ARL15: variants seen among roughly 807,000 people sequenced by gnomAD.
ARL15 encodes ADP-ribosylation factor-like protein 15.
ARL15 carries 19 observed loss-of-function variants against 25.2 expected under a neutral mutation model. The ratio of observed to expected loss-of-function variants is 0.75; its 90% confidence interval spans 0.53 to 1.10. The LOEUF (loss-of-function observed/expected upper bound fraction) is 1.10. Among genes scored for constraint, ARL15 ranks in the 50% least tolerant of loss-of-function variants. The probability of loss-of-function intolerance (pLI) is 0.00; values close to 1 mark genes in which losing one functional copy is unlikely to be tolerated. For missense variants in ARL15, 220 were observed against 246.0 expected, an observed-to-expected ratio of 0.89 and a Z score of 0.71; for synonymous variants, 94 against 86.8, an observed-to-expected ratio of 1.08 and a Z score of -0.46.
chr5:54,186,811 C>T (rs1755252776), intron 1 of ARL15, among the ~76,000 whole-genome samples: 1 of 151,494 alleles, frequency 6.6e-6, no homozygotes, highest in Non-Finnish European at 1.5e-5. Context: ...ATTAGAGAGG[C>T]TCCATGGGCC....
At chr5:54,062,495 C>T (rs1471026336) in intron 4 of ARL15, among the ~76,000 whole-genome samples, 2 of 149,240 alleles carry the variant, frequency 1.3e-5, no homozygotes, top group Admixed American at 6.7e-5. Context: ...GTGAATGAGA[C>T]TCACGAGATT....
chr5:54,162,400 C>A (rs1288515662), intron 2 of ARL15, among the ~76,000 whole-genome samples: 1 of 152,162 alleles, frequency 6.6e-6, no homozygotes, highest in African/African-American at 2.4e-5. Context: ...CTTCTCCATG[C>A]TCCAGCATTT....
intron 1 of ARL15, among the ~76,000 whole-genome samples, chr5:54,236,454 A>T (rs1025573183): frequency 6.6e-6 from 1 of 151,586 alleles, no homozygotes; most frequent in South Asian, 2.1e-4. Flanking sequence ...ACAAATCAGT[A>T]GTATTACCAA....
intron 4 of ARL15, among the ~76,000 whole-genome samples, chr5:53,943,613 C>T (rs1746619526): frequency 6.6e-6 from 1 of 152,130 alleles, no homozygotes; most frequent in South Asian, 2.1e-4. Flanking sequence ...AAAGACAGTG[C>T]TTAAAGATGA....
intron 4 of ARL15, among the ~76,000 whole-genome samples, chr5:54,073,262 T>C (rs539536807): frequency 2.6e-5 from 4 of 152,332 alleles, no homozygotes; most frequent in East Asian, 1.9e-4. Context: ...ACTAACAATA[T>C]GTACATTTAT....
intron 1 of ARL15, among the ~76,000 whole-genome samples, chr5:54,248,854 A>G (rs1757162371): frequency 6.6e-6 from 1 of 152,170 alleles, no homozygotes; most frequent in Non-Finnish European, 1.5e-5. Context: ...TCCCCAAGAC[A>G]GAAAAAGAGA....
At chr5:54,235,303 CAG>C (rs1473622106) in intron 1 of ARL15, among the ~76,000 whole-genome samples, 3 of 152,084 alleles carry the variant, frequency 2.0e-5, no homozygotes, top group African/African-American at 7.2e-5. Flanking sequence ...ATAAGAAAAA[CAG>C]TGTAAAAATA....
At chr5:54,178,312 T>C (rs1409362991) in intron 1 of ARL15, among the ~76,000 whole-genome samples, 2 of 152,220 alleles carry the variant, frequency 1.3e-5, no homozygotes, top group South Asian at 2.1e-4. Context: ...TTCAATTTGA[T>C]TGAAGCTCTG....
At chr5:54,189,838 C>T (rs1755344589) in intron 1 of ARL15, among the ~76,000 whole-genome samples, 1 of 151,974 alleles carries the variant, frequency 6.6e-6, no homozygotes, top group East Asian at 1.9e-4. Context: ...AAAACTAAAA[C>T]ATTTGGTACA....
At chr5:54,107,133 G>A (rs1752611604) in intron 4 of ARL15, among the ~76,000 whole-genome samples, 1 of 152,006 alleles carries the variant, frequency 6.6e-6, no homozygotes, top group Non-Finnish European at 1.5e-5. Context: ...AATGAAGAAG[G>A]GGCTAAAGCG....
intron 4 of ARL15, among the ~76,000 whole-genome samples, chr5:54,056,038 C>G (rs998843954): frequency 2.0e-5 from 3 of 152,082 alleles, no homozygotes; most frequent in Non-Finnish European, 4.4e-5. Context: ...GTCAATTTTA[C>G]ATTTATTATA....
intron 1 of ARL15, among the ~76,000 whole-genome samples, chr5:54,198,898 A>G (rs1017899505): frequency 2.0e-5 from 3 of 152,154 alleles, no homozygotes; most frequent in African/African-American, 7.2e-5. Context: ...TTCAAACTAT[A>G]CTACAAGGCT....
intron 4 of ARL15, among the ~76,000 whole-genome samples, chr5:53,965,183 C>T (rs1747508543): frequency 6.6e-6 from 1 of 152,176 alleles, no homozygotes; most frequent in East Asian, 1.9e-4. Context: ...AGCATTCTTT[C>T]TTCCGGACCT....
chr5:54,230,422 G>A (rs1756639647), intron 1 of ARL15, among the ~76,000 whole-genome samples: 1 of 149,226 alleles, frequency 6.7e-6, no homozygotes, highest in Middle Eastern at 3.2e-3. Flanking sequence ...AACCAAAAAA[G>A]CACAAAGAAG....
chr5:53,998,750 T>C (rs1451346062), intron 4 of ARL15, among the ~76,000 whole-genome samples: 2 of 152,188 alleles, frequency 1.3e-5, no homozygotes, highest in Non-Finnish European at 2.9e-5. Flanking sequence ...CCAGGCACTG[T>C]ACTACATGCA....
chr5:54,011,221 T>C (rs988183562), intron 4 of ARL15, among the ~76,000 whole-genome samples: 3 of 118,818 alleles, frequency 2.5e-5, no homozygotes, highest in African/African-American at 1.1e-4. Flanking sequence ...AAATATATAC[T>C]GTGAATATCC....
At chr5:54,244,908 A>C (rs1440087459) in intron 1 of ARL15, among the ~76,000 whole-genome samples, 2 of 152,058 alleles carry the variant, frequency 1.3e-5, no homozygotes, top group Non-Finnish European at 2.9e-5. Flanking sequence ...TAAAAGTATA[A>C]TTTTAATATT....
intron 4 of ARL15, among the ~76,000 whole-genome samples, chr5:53,977,225 C>T (rs535156577): frequency 4.7e-4 from 72 of 151,980 alleles, no homozygotes; most frequent in Middle Eastern, 3.4e-3. Flanking sequence ...GGCGTGGTGG[C>T]GGGCGCCTGT....
At chr5:54,087,695 T>A (rs974281789) in intron 4 of ARL15, among the ~76,000 whole-genome samples, 1 of 38,172 alleles carries the variant, frequency 2.6e-5, no homozygotes, top group African/African-American at 6.1e-5. Context: ...AAGAAGCCAG[T>A]AACACTGCTA....
Sources: allele counts gnomAD v4.1 joint callset (sites outside exome capture counted in the v4.1 genomes callset), GRCh38; gene constraint gnomAD v4.1.1; transcripts MANE v1.5; gene names NCBI Gene and HGNC (gene_info 2026-07-23, HGNC 2026-07-21).